Variants in SOX6 observed in about 807,000 individuals in gnomAD.
SOX6 encodes SRY-box transcription factor 6, also known as transcription factor SOX-6.
In SOX6, 11 loss-of-function variants were observed where a neutral mutation model predicts 97.8. The ratio of observed to expected loss-of-function variants is 0.11; its 90% CI spans 0.07 to 0.19. The LOEUF (loss-of-function observed/expected upper bound fraction) is 0.19, where lower values mean the gene tolerates loss of function less well. Among genes scored for constraint, SOX6 ranks in the 10% least tolerant of loss-of-function variants. The pLI is 1.00. For missense variants in SOX6, 810 were observed against 1,039.5 expected (o/e 0.78, Z 3.04); for synonymous variants, 360 against 371.4 (o/e 0.97, Z 0.35).
Position 16,132,409 on chromosome 11 carries a change from GAA to G in SOX6, c.778-20488_778-20487del, listed in dbSNP as rs1220417609. Among the ~76,000 whole-genome samples the G allele has an allele frequency of 2.9e-3, 185 of 64,536 alleles. 13 individuals carry two copies. In the East Asian group the frequency reaches 0.04, roughly 14 times the overall value. The allele number at this position is 64,536 out of a possible 152,430, so 42.3% of individuals were successfully genotyped here. On this transcript the variant is annotated intron_variant, in intron 6 of 15. Coordinates refer to ENST00000683767, the MANE Select transcript of SOX6 (RefSeq NM_001367873.1). The stretch of plus-strand genomic sequence containing the variant: ...AAGAAAGAAAGAAAGAAAAAAGAAA[GAA>G]AGAAAGAAAGAAAGAAAGAAAGAAA...
chr11:16,667,064 T>TA (rs35241540), intron 3 of SOX6, among the ~76,000 whole-genome samples: 62,831 of 142,266 alleles, frequency 0.44, 14,051 homozygotes, highest in East Asian at 0.8. Context: ...ACCAAAAAAT[T>TA]AAAAAAAAAA....
At chr11:16,354,101 T>C (rs1420476879) in intron 1 of SOX6, among the ~76,000 whole-genome samples, 4 of 152,002 alleles carry the variant, frequency 2.6e-5, no homozygotes, top group African/African-American at 4.8e-5. Context: ...GAGGAAAGAC[T>C]TAAATCTCAT....
At chr11:16,255,867 T>C (rs926748135) in intron 3 of SOX6, among the ~76,000 whole-genome samples, 1 of 148,724 alleles carries the variant, frequency 6.7e-6, no homozygotes, top group Non-Finnish European at 1.5e-5. Context: ...ACGACGCAAA[T>C]TGGTAATATC....
chr11:16,497,932 G>C (rs1860633071), intron 4 of SOX6, among the ~76,000 whole-genome samples: 1 of 152,148 alleles, frequency 6.6e-6, no homozygotes, highest in South Asian at 2.1e-4. Flanking sequence ...ATCTAGCAAG[G>C]CAGGCCAACA....
chr11:16,290,600 A>G (rs1854885158), intron 3 of SOX6, among the ~76,000 whole-genome samples: 1 of 152,106 alleles, frequency 6.6e-6, no homozygotes, highest in African/African-American at 2.4e-5. Context: ...ACGAAGTTAT[A>G]AAAACAACAG....
At chr11:16,154,461 T>C (rs1445214092) in intron 6 of SOX6, among the ~76,000 whole-genome samples, 4 of 152,144 alleles carry the variant, frequency 2.6e-5, no homozygotes, top group Non-Finnish European at 4.4e-5. Context: ...TTTTAAATTG[T>C]ATGGAACCTA....
chr11:16,072,577 G>A (rs909911750), intron 9 of SOX6, among the ~76,000 whole-genome samples: 1 of 151,992 alleles, frequency 6.6e-6, no homozygotes, highest in African/African-American at 2.4e-5. Context: ...GCCAAAATTC[G>A]AATCCAGGAA....
intron 1 of SOX6, among the ~76,000 whole-genome samples, chr11:16,454,582 C>T (rs1859780726): frequency 6.6e-6 from 1 of 152,012 alleles, no homozygotes; most frequent in South Asian, 2.1e-4. Context: ...ATCAGCTTTA[C>T]CTAATCCAAG....
chr11:16,113,410 C>T (rs1849275126), intron 6 of SOX6, among the ~76,000 whole-genome samples: 1 of 152,154 alleles, frequency 6.6e-6, no homozygotes, highest in Admixed American at 6.6e-5. Context: ...GCCCAAGTTT[C>T]GTACATTAGA....
chr11:16,010,052 T>C (rs1407445361), intron 13 of SOX6, among the ~76,000 whole-genome samples: 2 of 151,196 alleles, frequency 1.3e-5, no homozygotes, highest in Non-Finnish European at 2.9e-5. Context: ...CTCTGCTATT[T>C]GTCTTAAACA....
At chr11:16,079,363 A>G (rs1309255032) in intron 9 of SOX6, among the ~76,000 whole-genome samples, 1 of 152,192 alleles carries the variant, frequency 6.6e-6, no homozygotes, top group Non-Finnish European at 1.5e-5. Flanking sequence ...GATTATTCGA[A>G]TGCTATTTTT....
At chr11:16,363,998 G>A (rs1278291171) in intron 1 of SOX6, among the ~76,000 whole-genome samples, 1 of 152,070 alleles carries the variant, frequency 6.6e-6, no homozygotes, top group Non-Finnish European at 1.5e-5. Flanking sequence ...TAACTTCCTC[G>A]ATGGTAGGAA....
chr11:16,010,240 A>T (rs1207673359), intron 13 of SOX6, among the ~76,000 whole-genome samples: 1 of 151,958 alleles, frequency 6.6e-6, no homozygotes, highest in Admixed American at 6.6e-5. Context: ...GTATAAATCT[A>T]TAAAATGCTT....
rs1287030028 is a variant in SOX6 at position 16,092,602 on chromosome 11, T to C, written c.1101+3394A>G. Among the ~76,000 whole-genome samples the C allele has an allele frequency of 3.3e-5, 5 of 151,942 alleles. No individual in the cohort carries two copies. The East Asian group carries it at 9.7e-4, about 29-fold the overall frequency. On this transcript the variant is annotated intron_variant, in intron 9 of 15. Transcript: ENST00000683767. ...ATGCTGACACATGGAGATATTTTAA[T>C]TAGAAATGCTTAAGCTGTGTGATAT...
chr11:16,307,479 A>G (rs1220284359), intron 3 of SOX6, among the ~76,000 whole-genome samples: 1 of 152,136 alleles, frequency 6.6e-6, no homozygotes, highest in Non-Finnish European at 1.5e-5. Context: ...TCAAAGAAAA[A>G]TAGTTCCAAA....
intron 4 of SOX6, among the ~76,000 whole-genome samples, chr11:16,223,466 A>G (rs1384285633): frequency 2.0e-5 from 3 of 152,090 alleles, no homozygotes; most frequent in Non-Finnish European, 4.4e-5. Context: ...TATTATTCTG[A>G]TGTTACCCTG....
chr11:16,043,979 T>C (rs552266504), intron 12 of SOX6, among the ~76,000 whole-genome samples: 8 of 152,174 alleles, frequency 5.3e-5, no homozygotes, highest in African/African-American at 1.7e-4. Context: ...AAGCTTCCTA[T>C]GAGGTTGCTA....
intron 1 of SOX6, among the ~76,000 whole-genome samples, chr11:16,376,570 A>C (rs964119087): frequency 6.6e-6 from 1 of 152,174 alleles, no homozygotes; most frequent in African/African-American, 2.4e-5. Flanking sequence ...GATGGGTACC[A>C]GGAATACAGG....
At chr11:16,073,402 T>C (rs1848270139) in intron 9 of SOX6, among the ~76,000 whole-genome samples, 1 of 152,170 alleles carries the variant, frequency 6.6e-6, no homozygotes, top group Non-Finnish European at 1.5e-5. Context: ...GACCTAACTA[T>C]CCTAAATATG....
Sources: gnomAD v4.1 joint callset for allele counts (sites outside exome capture counted in the v4.1 genomes callset) on GRCh38, gnomAD v4.1.1 for gene constraint, MANE v1.5 for transcripts, NCBI Gene and HGNC (gene_info 2026-07-23, HGNC 2026-07-21) for gene names.